Variants in ZNF282 observed in about 807,000 individuals in gnomAD.
The protein encoded by ZNF282 is HTLV-I U5 repressive element-binding protein 1.
ZNF282 carries 30 observed loss-of-function variants against 61.9 expected under a neutral mutation model. The observed-to-expected ratio is 0.48, with a 90% confidence interval of 0.36 to 0.66. ZNF282 has a LOEUF of 0.66. Ranked by LOEUF, ZNF282 falls within the 30% of genes least tolerant of loss-of-function variation. The pLI is 0.00. For synonymous variants in ZNF282, 396 were observed against 405.0 expected (o/e 0.98, Z 0.27); for missense variants, 788 against 941.4 (o/e 0.84, Z 2.13).
chr7:149,208,656 C>T (rs900817500), intron 4 of ZNF282, among the ~76,000 whole-genome samples: 2 of 152,206 alleles, frequency 1.3e-5, no homozygotes, highest in African/African-American at 4.8e-5. Context: ...TTAAAGAATG[C>T]AATTCAGTGG....
intron 2 of ZNF282, chr7:149,206,493 G>A (rs1433224212): frequency 2.9e-6 from 2 of 692,964 alleles, no homozygotes; most frequent in Non-Finnish European, 4.9e-6. Context: ...AAAAAGGCAG[G>A]GTTGACCATC....
At chr7:149,215,421 T>G (rs1796147940) in intron 7 of ZNF282, among the ~76,000 whole-genome samples, 1 of 152,146 alleles carries the variant, frequency 6.6e-6, no homozygotes, top group South Asian at 2.1e-4. Context: ...CAGGCTGGTC[T>G]CGAACTCCTG....
chr7:149,220,732 A>G (rs934091067), intron 7 of ZNF282, among the ~76,000 whole-genome samples: 4 of 149,836 alleles, frequency 2.7e-5, no homozygotes, highest in Non-Finnish European at 3.0e-5. Flanking sequence ...ACTAGGTTAC[A>G]TGCTTGCATG....
Position 149,210,718 on chromosome 7 carries a change from G to C in ZNF282, c.952+14G>C, listed in dbSNP as rs1315354506. 2 of 1,571,932 alleles carry C rather than the reference G, an allele frequency of 1.3e-6. No individual in the cohort carries two copies. Among genetic ancestry groups the C allele is most frequent in the South Asian group, 1.2e-5 (1 of 84,198 alleles). On this transcript the variant is annotated intron_variant, in intron 5 of 7. Transcript: ENST00000610704. ...AATCCATTACCGGTGAGTGAGCCAA[G>C]CAGCCGTCCACACCAGGGAGGGGAG...
chr7:149,199,544 C>A (rs1795876837), intron 2 of ZNF282, among the ~76,000 whole-genome samples: 2 of 152,194 alleles, frequency 1.3e-5, no homozygotes, highest in Admixed American at 1.3e-4. Flanking sequence ...CTGGGCCCTG[C>A]ATCTACCTGC....
chr7:149,201,891 T>C (rs1038253214), intron 2 of ZNF282, among the ~76,000 whole-genome samples: 1 of 152,186 alleles, frequency 6.6e-6, no homozygotes, highest in African/African-American at 2.4e-5. Flanking sequence ...CTCCCATCTG[T>C]GCTGTTCTGC....
At position 149,224,526 on chromosome 7, in the gene ZNF282, G is replaced by A; in HGVS notation, c.1895G>A (p.Cys632Tyr). 1 of 1,611,710 alleles carries A rather than the reference G, an allele frequency of 6.2e-7. No individual in the cohort carries two copies. The highest frequency in any genetic ancestry group is 8.5e-7 in the Non-Finnish European group (1 of 1,179,838). The stretch of plus-strand genomic sequence containing the variant: ...CACACGGGCGAGCGCCCCTACACGT[G>A]CGGCGAGTGCGGCAAGAGCTTCCGC... ...RIHTGERPYTCGECGKSFRYK... is the reference protein window; with the variant it reads ...RIHTGERPYTYGECGKSFRYK... Residue 632 changes from cysteine to tyrosine, a missense_variant, in exon 8 of 8, where the codon TGC becomes TAC. By Grantham distance (194) the Cys-to-Tyr change is radical. Transcript: ENST00000610704.
chr7:149,215,088 ACCCAGTACCATC>A lies in ZNF282; in HGVS notation c.1180+1278_1180+1289del, dbSNP rs1796141879. On this transcript the variant is annotated intron_variant, in intron 7 of 7. Coordinates refer to ENST00000610704, the MANE Select transcript of ZNF282 (RefSeq NM_003575.4). ...GCTCAGGCTAATATTCCTCGCTAAAACCCAGTACCATCCCCTTGCCCTCAACATGGCTGACCT... is the reference window on the plus strand; with the variant it reads ...GCTCAGGCTAATATTCCTCGCTAAAACCCTTGCCCTCAACATGGCTGACCT... Among the ~76,000 whole-genome samples the A allele has an allele frequency of 2.6e-5, 4 of 151,616 alleles. No homozygotes were observed. The South Asian group carries it at 8.3e-4, about 32-fold the overall frequency.
chr7:149,204,804 T>C (rs1032976823), intron 2 of ZNF282, among the ~76,000 whole-genome samples: 1 of 151,956 alleles, frequency 6.6e-6, no homozygotes, highest in African/African-American at 2.4e-5. Context: ...ATCTGCGGAG[T>C]TCTAGTAACA....
chr7:149,198,257 A>G lies in ZNF282; in HGVS notation c.166-76A>G, dbSNP rs1200658801. 2.0e-6 allele frequency: 3 copies of G among 1,494,180 alleles called. No individual in the cohort carries two copies. The highest frequency in any genetic ancestry group is 2.2e-5 in the Admixed American group (1 of 46,166). The allele number at this position is 1,494,180 out of a possible 1,614,324, so 92.6% of individuals were successfully genotyped here. ...ACGACATGTAGCATCTGATTAGTTG[A>G]CCCCTGTTCCCAGCTGACTTCCCCG... is the stretch of plus-strand genomic sequence containing the variant. On this transcript the variant is annotated intron_variant, in intron 1 of 7. Transcript: ENST00000610704. The surrounding 1 kb of genome is among the most constrained non-coding windows in gnomAD (Gnocchi z 4.3).
chr7:149,213,813 T>A lies in ZNF282; in HGVS notation c.1179T>A (p.Pro393=), dbSNP rs562645389. 9 of 1,612,018 alleles carry A rather than the reference T, an allele frequency of 5.6e-6. No homozygotes were observed. In the East Asian group the frequency reaches 1.6e-4, roughly 28 times the overall value. Residue 393 remains proline (P), a splice_region_variant and synonymous_variant, in exon 7 of 8, where the codon CCT becomes CCA. Transcript: ENST00000610704. ...GAGAGCTTGGATTAGACTCTGGCCC[T>A]AGTGAGTAACGTCCCCACCTAGACC... The part of the protein sequence containing the change: ...MDGELGLDSG[P]SDSLLMVKNP...
chr7:149,218,144 G>C (rs1217365336), intron 7 of ZNF282, among the ~76,000 whole-genome samples: 2 of 151,698 alleles, frequency 1.3e-5, no homozygotes, highest in Non-Finnish European at 2.9e-5. Context: ...ACTAATAAAG[G>C]GTATGAAATC....
intron 2 of ZNF282, among the ~76,000 whole-genome samples, chr7:149,202,020 C>T (rs1241966485): frequency 6.6e-6 from 1 of 152,164 alleles, no homozygotes; most frequent in African/African-American, 2.4e-5. Context: ...GCCACTTCAT[C>T]AGCATGCCCT....
rs1427839183 is a variant in ZNF282 at position 149,225,264 on chromosome 7, C to T, written c.*617C>T. 1 of 153,160 alleles carries T rather than the reference C, an allele frequency of 6.5e-6. No individual in the cohort carries two copies. Among genetic ancestry groups the T allele is most frequent in the Non-Finnish European group, 1.5e-5 (1 of 68,548 alleles). 9.5% of individuals were successfully genotyped at this position (153,160 alleles called of 1,614,324 possible). A position where few individuals can be genotyped will look rare whatever the true frequency, so the allele number is the denominator to read the frequency against. ...GGAAGGGGCGCGCGCTGCCCAACCG[C>T]GCTCTCCGCCTACCTCCGCTGCTCG... On this transcript the variant is annotated 3_prime_UTR_variant, in exon 8 of 8. Coordinates refer to ENST00000610704, the MANE Select transcript of ZNF282 (RefSeq NM_003575.4).
intron 1 of ZNF282, among the ~76,000 whole-genome samples, chr7:149,197,102 C>T (rs1019642211): frequency 1.3e-5 from 2 of 152,230 alleles, no homozygotes; most frequent in African/African-American, 2.4e-5. Flanking sequence ...AGTGAACTGT[C>T]ACCAGCCTCA....
rs1167680020 is a variant in ZNF282 at position 149,198,385 on chromosome 7, C to A, written c.218C>A (p.Pro73His). Residue 73 changes from proline (P) to histidine (H), a missense_variant, in exon 2 of 8, where the codon CCC becomes CAC. Pro to His is a moderately conservative substitution (Grantham distance 77, BLOSUM62 -2). Coordinates refer to ENST00000610704, the MANE Select transcript of ZNF282 (RefSeq NM_003575.4). This position sits in a 1 kb window ranked among gnomAD's most constrained non-coding sequence, Gnocchi z 4.3. ...CGGCCAATGCCTTTTCAGTTCCCAC[C>A]CTTTCCAGATAGGGCACCTGTCTTC... The part of the protein sequence containing the change: ...ARRPMPFQFP[P>H]FPDRAPVFPD... The A allele has an allele frequency of 1.2e-6, 2 of 1,614,088 alleles. No individual in the cohort carries two copies. The highest frequency in any genetic ancestry group is 1.7e-5 in the Admixed American group (1 of 60,008).
intron 6 of ZNF282, 29 bp from the exon 7 acceptor site, chr7:149,213,672 C>T: frequency 6.4e-7 from 1 of 1,573,772 alleles, no homozygotes; most frequent in South Asian, 1.1e-5. Flanking sequence ...TGAACAAAAT[C>T]TAAGACTGCC....
At chr7:149,204,335 A>G (rs114703168) in intron 2 of ZNF282, among the ~76,000 whole-genome samples, 121 of 152,332 alleles carry the variant, frequency 7.9e-4, no homozygotes, top group African/African-American at 2.6e-3. Context: ...TGGAAGGTAC[A>G]GAGGCAGAAT....
In ZNF282 at chr7:149,198,759, G is replaced by GGT. The variant is rs1795862869; in HGVS notation, c.585+9_585+10dup. ...CAAGGGGGAGGCCCCCAAGGTATGTGGTGGTCCCTGGGGCAGGGATAGAGG... is the reference window on the plus strand; with the variant it reads ...CAAGGGGGAGGCCCCCAAGGTATGTGGTGTGGTCCCTGGGGCAGGGATAGAGG... On this transcript the variant is annotated splice_region_variant and intron_variant, in intron 2 of 7. Coordinates refer to ENST00000610704, the MANE Select transcript of ZNF282 (RefSeq NM_003575.4). This position sits in a 1 kb window ranked among gnomAD's most constrained non-coding sequence, Gnocchi z 4.3. 6.2e-7 allele frequency: 1 copy of GGT among 1,609,870 alleles called. No individual in the cohort carries two copies. Among genetic ancestry groups the GGT allele is most frequent in the Non-Finnish European group, 8.5e-7 (1 of 1,178,046 alleles).
Sources: gnomAD v4.1 joint callset for allele counts (sites outside exome capture counted in the v4.1 genomes callset) on GRCh38, gnomAD v4.1.1 for gene constraint, Gnocchi (gnomAD v3.1) non-coding constraint, MANE v1.5 for transcripts, NCBI Gene and HGNC (gene_info 2026-07-23, HGNC 2026-07-21) for gene names.